The following ERI1 variants were observed in gnomAD, a reference collection of about 807,000 sequenced individuals.
The protein encoded by ERI1 is 3'-5' exoribonuclease 1.
ERI1 carries 39 observed loss-of-function variants against 39.7 expected under a neutral mutation model. The observed-to-expected ratio is 0.98, with a 90% CI of 0.76 to 1.28. The LOEUF (loss-of-function observed/expected upper bound fraction) is 1.28, where lower values mean the gene tolerates loss of function less well. Among genes scored for constraint, ERI1 ranks in the 50% most tolerant of loss-of-function variants. The pLI is 0.00. For synonymous variants in ERI1, 204 were observed against 149.6 expected (o/e 1.36, Z -2.65); for missense variants, 581 against 416.9 (o/e 1.39, Z -3.43).
intron 3 of ERI1, among the ~76,000 whole-genome samples, chr8:9,065,099 T>C (rs894043704): frequency 6.6e-6 from 1 of 151,980 alleles, no homozygotes; most frequent in Non-Finnish European, 1.5e-5. Context: ...TCTTTTGTGG[T>C]GGAATGTCAT....
At chr8:9,012,716 A>C (rs1463380925) in intron 3 of ERI1, among the ~76,000 whole-genome samples, 1 of 152,136 alleles carries the variant, frequency 6.6e-6, no homozygotes, top group African/African-American at 2.4e-5. Context: ...ATTATGATTT[A>C]TTGCTTTTGT....
intron 3 of ERI1, among the ~76,000 whole-genome samples, chr8:9,059,742 G>A (rs71514523): frequency 0.14 from 21,422 of 152,126 alleles, 1,635 homozygotes; most frequent in African/African-American, 0.18. Flanking sequence ...TGGCGGTTTG[G>A]GGATAGCACC....
At chr8:9,007,842 C>G in intron 1 of ERI1, 128 bp from the exon 2 acceptor site, 2 of 1,376,570 alleles carry the variant, frequency 1.5e-6, no homozygotes, top group Non-Finnish European at 1.9e-6. Context: ...GCAGTGAACA[C>G]TTTTCATTGA....
downstream of ERI1, among the ~76,000 whole-genome samples, chr8:9,036,904 A>G (rs981407297): frequency 6.6e-6 from 1 of 152,186 alleles, no homozygotes; most frequent in Non-Finnish European, 1.5e-5. Flanking sequence ...CAGTGGGACC[A>G]TGATTATCAC....
intron 3 of ERI1, among the ~76,000 whole-genome samples, chr8:9,052,250 T>C (rs1023561249): frequency 6.6e-6 from 1 of 152,190 alleles, no homozygotes; most frequent in Non-Finnish European, 1.5e-5. Context: ...AGTGTTTTTG[T>C]CTCTCTCTGT....
At chr8:9,052,961 G>A (rs1039916048) in intron 3 of ERI1, among the ~76,000 whole-genome samples, 1 of 152,114 alleles carries the variant, frequency 6.6e-6, no homozygotes, top group Non-Finnish European at 1.5e-5. Flanking sequence ...GAGAGAAGAG[G>A]GGAACTGGAG....
intron 6 of ERI1, among the ~76,000 whole-genome samples, chr8:9,022,278 TAAAAAAA>T (rs926085462): frequency 3.9e-5 from 6 of 152,268 alleles, no homozygotes; most frequent in Admixed American, 6.5e-5. Flanking sequence ...CTGACTGTTT[TAAAAAAA>T]ATTGGGTAGT....
chr8:9,008,215 T>C (rs955750393), intron 2 of ERI1, 67 bp downstream of exon 2: 2 of 1,288,728 alleles, frequency 1.6e-6, no homozygotes, highest in Non-Finnish European at 2.1e-6. Context: ...CTTGAAAACA[T>C]TGAAATATTA....
At chr8:9,017,242 GT>G (rs2117232280) in intron 4 of ERI1, among the ~76,000 whole-genome samples, 1 of 151,948 alleles carries the variant, frequency 6.6e-6, no homozygotes, top group Non-Finnish European at 1.5e-5. Flanking sequence ...GGGTTTCACT[GT>G]GTTGGCCAAG....
chr8:9,076,437 T>C (rs1799213724), intron 3 of ERI1, among the ~76,000 whole-genome samples: 1 of 152,116 alleles, frequency 6.6e-6, no homozygotes, highest in East Asian at 1.9e-4. Context: ...AGATGAAGGA[T>C]TTAAATATGA....
intron 3 of ERI1, among the ~76,000 whole-genome samples, chr8:9,078,229 A>G (rs1376307499): frequency 1.3e-5 from 2 of 152,100 alleles, no homozygotes; most frequent in Non-Finnish European, 2.9e-5. Context: ...ACCTCAAGCA[A>G]TCCACCCACT....
chr8:9,063,604 G>A (rs189697985), intron 3 of ERI1, among the ~76,000 whole-genome samples: 1 of 152,306 alleles, frequency 6.6e-6, no homozygotes, highest in Non-Finnish European at 1.5e-5. Flanking sequence ...TGAGGGGACA[G>A]GCGGGAGGGA....
Position 9,002,900 on chromosome 8 carries a change from C to T in ERI1, c.-164C>T. The T allele has an allele frequency of 2.2e-6, 1 of 445,860 alleles. No homozygotes were observed. The highest frequency in any genetic ancestry group is 3.6e-5 in the East Asian group (1 of 27,890). 27.6% of individuals were successfully genotyped at this position (445,860 alleles called of 1,614,324 possible). On this transcript the variant is annotated 5_prime_UTR_variant, in exon 1 of 7. In the 5' UTR this introduces an upstream ATG that the reference lacks. Transcript: ENST00000250263. ...GCCTGCCCGGCGTGTGGACGCCACA[C>T]GCTCCCGGAAGTGGGAGGTGGCCGC...
intron 3 of ERI1, among the ~76,000 whole-genome samples, chr8:9,062,479 C>T (rs1049982215): frequency 2.0e-5 from 3 of 150,286 alleles, no homozygotes; most frequent in East Asian, 2.0e-4. Flanking sequence ...TCTAAGTTGG[C>T]ACCAGAGTTG....
chr8:9,057,509 A>G (rs547525790), intron 3 of ERI1, among the ~76,000 whole-genome samples: 4 of 152,290 alleles, frequency 2.6e-5, no homozygotes, highest in Middle Eastern at 3.4e-3. Flanking sequence ...GTTGTTAACT[A>G]GTGTGTGGTT....
downstream of ERI1, among the ~76,000 whole-genome samples, chr8:9,037,749 A>G (rs1797898049): frequency 6.6e-6 from 1 of 152,132 alleles, no homozygotes; most frequent in African/African-American, 2.4e-5. Flanking sequence ...TTTACTGTGC[A>G]CCATAAATAA....
intron 3 of ERI1, among the ~76,000 whole-genome samples, chr8:9,068,493 C>T (rs1336872530): frequency 2.0e-5 from 3 of 152,054 alleles, no homozygotes; most frequent in Non-Finnish European, 4.4e-5. Flanking sequence ...TGTGCCATGA[C>T]GCCTGGCTAG....
intron 3 of ERI1, among the ~76,000 whole-genome samples, chr8:9,039,303 T>G (rs1240446707): frequency 1.3e-5 from 2 of 152,210 alleles, no homozygotes; most frequent in Non-Finnish European, 2.9e-5. Flanking sequence ...GTCAAAACCT[T>G]GGAGCTACAG....
intron 6 of ERI1, 143 bp downstream of exon 6, chr8:9,020,607 C>T (rs981194899): frequency 2.5e-5 from 14 of 571,194 alleles, no homozygotes; most frequent in Admixed American, 1.4e-4. Flanking sequence ...TTCCAAATTC[C>T]TTATGTTCAA....
Sources: allele counts gnomAD v4.1 joint callset (sites outside exome capture counted in the v4.1 genomes callset), GRCh38; gene constraint gnomAD v4.1.1; transcripts MANE v1.5; gene names NCBI Gene and HGNC (gene_info 2026-07-23, HGNC 2026-07-21).